The following LUZP1 variants were observed in gnomAD, a reference collection of about 807,000 sequenced individuals.
LUZP1 encodes leucine zipper protein 1.
Under a neutral mutation model 71.3 loss-of-function variants are expected in LUZP1, and 25 were observed. The observed-to-expected ratio is 0.35, with a 90% confidence interval of 0.26 to 0.49. LUZP1 has a LOEUF of 0.49. Ranked by LOEUF, LUZP1 falls within the 20% of genes least tolerant of loss-of-function variation. The probability of loss-of-function intolerance (pLI) is 0.99; values close to 1 mark genes in which losing one functional copy is unlikely to be tolerated. For missense variants in LUZP1, 1,142 were observed against 1,300.8 expected (o/e 0.88, Z 1.88); for synonymous variants, 481 against 506.4 (o/e 0.95, Z 0.67).
At chr1:23,159,850 G>T (rs989665801) in intron 2 of LUZP1, among the ~76,000 whole-genome samples, 4 of 152,186 alleles carry the variant, frequency 2.6e-5, no homozygotes, top group Non-Finnish European at 2.9e-5. Flanking sequence ...GCTGGGCATG[G>T]TGGCATGCGC....
chr1:23,093,250 T>C lies in LUZP1; in HGVS notation c.1012A>G (p.Ser338Gly). 6.2e-7 allele frequency: 1 copy of C among 1,613,132 alleles called. No homozygotes were observed. The highest frequency in any genetic ancestry group is 1.1e-5 in the South Asian group (1 of 90,750). The change falls in exon 4 of 5, where the codon AGC (serine) becomes GGC (glycine). Residue 338 changes from serine (S) to glycine (G), a missense_variant. Ser to Gly is a moderately conservative substitution (Grantham distance 56). Transcript: ENST00000302291. This position sits in a 1 kb window ranked among gnomAD's most constrained non-coding sequence, Gnocchi z 4.2. ...TGTAGCTTTATCTCCTCCAGTTGGC[T>C]GGCTAATAATTTGTTTTTATTTTGT...
intron 3 of LUZP1, among the ~76,000 whole-genome samples, chr1:23,107,340 A>G (rs950919268): frequency 6.6e-6 from 1 of 152,008 alleles, no homozygotes; most frequent in African/African-American, 2.4e-5. Flanking sequence ...CTAATTATTC[A>G]TTTTTATCTG....
chr1:23,145,610 C>G (rs946082262), intron 2 of LUZP1, among the ~76,000 whole-genome samples: 2 of 151,972 alleles, frequency 1.3e-5, no homozygotes, highest in African/African-American at 4.8e-5. Flanking sequence ...GGTGGGATTA[C>G]ACGTGCATGC....
chr1:23,167,846 C>A (rs1644522050), intron 2 of LUZP1, among the ~76,000 whole-genome samples: 2 of 152,074 alleles, frequency 1.3e-5, no homozygotes, highest in African/African-American at 4.8e-5. Flanking sequence ...GCACTTCATT[C>A]CTGCGCTCCG....
intron 2 of LUZP1, among the ~76,000 whole-genome samples, chr1:23,151,101 T>G (rs1644379683): frequency 6.6e-6 from 1 of 152,150 alleles, no homozygotes; most frequent in African/African-American, 2.4e-5. Flanking sequence ...TGGAGTGCAA[T>G]GGTGCAATCT....
chr1:23,092,851 G>T, exon 4 of LUZP1: 1 of 1,613,824 alleles, frequency 6.2e-7, no homozygotes, highest in Non-Finnish European at 8.5e-7. Context: ...AGCACTGAGG[G>T]CTGCTCCCTA....
intron 2 of LUZP1, among the ~76,000 whole-genome samples, chr1:23,113,401 T>A (rs531523880): frequency 6.6e-6 from 1 of 151,866 alleles, no homozygotes; most frequent in East Asian, 1.9e-4. Flanking sequence ...AGTGAAACCC[T>A]GTCTCAAAAC....
chr1:23,109,187 A>C (rs1001466751), intron 2 of LUZP1, 60 bp from the exon 2 acceptor site: 1 of 152,256 alleles, frequency 6.6e-6, no homozygotes, highest in Non-Finnish European at 1.5e-5. Flanking sequence ...ACCAAGACTG[A>C]GGTGACCCAG....
chr1:23,131,607 T>G (rs1267438593), intron 2 of LUZP1, among the ~76,000 whole-genome samples: 1 of 152,200 alleles, frequency 6.6e-6, no homozygotes, highest in Non-Finnish European at 1.5e-5. Flanking sequence ...AACGAGTTTG[T>G]TTCCTCTCAC....
rs1193689186 is a variant in LUZP1, at chr1:23,139,020, ATATATATATAT to A, written c.-226+29735_-226+29745del. 4.4e-4 allele frequency among the ~76,000 whole-genome samples: 22 copies of A among 50,526 alleles called. 1 individual carries two copies. In the South Asian group the frequency reaches 0.017, roughly 38 times the overall value. The allele number at this position is 50,526 out of a possible 152,430, so 33.1% of individuals were successfully genotyped here. ...CTCAAAAAAAAAAAAAAAAAAAAAA[ATATATATATAT>A]ATATATATATATATACACACATCAT... is the stretch of plus-strand genomic sequence containing the variant. On this transcript the variant is annotated intron_variant, in intron 2 of 4. Transcript: ENST00000302291.
intron 2 of LUZP1, among the ~76,000 whole-genome samples, chr1:23,159,052 G>T (rs951985163): frequency 1.3e-4 from 20 of 151,396 alleles, no homozygotes; most frequent in African/African-American, 4.9e-4. Context: ...TTCAAAATTT[G>T]ATTACTGGCC....
chr1:23,090,979 G>T, intron 4 of LUZP1: 1 of 720,116 alleles, frequency 1.4e-6, no homozygotes, highest in South Asian at 1.5e-5. Context: ...ACAACAAATT[G>T]GAAAAGGGAT....
chr1:23,118,381 G>A (rs1197270692), intron 2 of LUZP1, among the ~76,000 whole-genome samples: 1 of 152,114 alleles, frequency 6.6e-6, no homozygotes, highest in East Asian at 1.9e-4. Flanking sequence ...CTGGGCAAGA[G>A]AGCAAGACTC....
rs184359457 is a variant in LUZP1, at chr1:23,097,685, A to G, written c.-119-3305T>C. 1.6e-4 allele frequency among the ~76,000 whole-genome samples: 24 copies of G among 152,262 alleles called. No homozygotes were observed. In the East Asian group the frequency reaches 4.6e-3, roughly 29 times the overall value. ...CCGTCTCTATAAAAAAAGGTAAAAT[A>G]AAATAAAATTAGAAGGTACAGTGGC... On this transcript the variant is annotated intron_variant, in intron 3 of 4. Transcript: ENST00000302291.
intron 2 of LUZP1, among the ~76,000 whole-genome samples, chr1:23,150,632 C>CG (rs1475134292): frequency 6.6e-6 from 1 of 152,046 alleles, no homozygotes; most frequent in Non-Finnish European, 1.5e-5. Flanking sequence ...ATAAGGCAGA[C>CG]GGAACTTTGA....
intron 2 of LUZP1, among the ~76,000 whole-genome samples, chr1:23,122,710 T>G (rs1644140209): frequency 6.6e-6 from 1 of 152,244 alleles, no homozygotes; most frequent in Non-Finnish European, 1.5e-5. Context: ...GGGAGTGTTC[T>G]TCAAGTATTT....
At chr1:23,139,284 A>G (rs1644284965) in intron 2 of LUZP1, among the ~76,000 whole-genome samples, 1 of 151,936 alleles carries the variant, frequency 6.6e-6, no homozygotes, top group Non-Finnish European at 1.5e-5. Flanking sequence ...ATACAGAGAT[A>G]GTCTGATCTT....
In LUZP1 at chr1:23,165,262, G is replaced by C. The variant is rs567913516; in HGVS notation, c.-226+3504C>G. The stretch of plus-strand genomic sequence containing the variant: ...ACAGTTTAAAAAAATAAACACAGTG[G>C]TGGTAATTATACAACTGTATACATG... On this transcript the variant is annotated intron_variant, in intron 2 of 4. Transcript: ENST00000302291. Among the ~76,000 whole-genome samples the C allele has an allele frequency of 5.9e-5, 9 of 152,034 alleles. No homozygotes were observed. In the East Asian group the frequency reaches 1.7e-3, roughly 29 times the overall value.
exon 4 of LUZP1, chr1:23,091,266 A>G (rs1643848012): frequency 6.2e-7 from 1 of 1,614,020 alleles, no homozygotes; most frequent in Non-Finnish European, 8.5e-7. Flanking sequence ...CACCTCTGAC[A>G]CAGTGAGGCT....
Sources: allele counts gnomAD v4.1 joint callset (sites outside exome capture counted in the v4.1 genomes callset), GRCh38; gene constraint gnomAD v4.1.1; non-coding constraint Gnocchi (gnomAD v3.1); transcripts MANE v1.5; gene names NCBI Gene and HGNC (gene_info 2026-07-23, HGNC 2026-07-21).